Variants in RPS6KC1 observed in about 807,000 individuals in gnomAD.
RPS6KC1 encodes ribosomal protein S6 kinase C1.
Under a neutral mutation model 103.8 loss-of-function variants are expected in RPS6KC1, and 54 were observed. That is an observed-to-expected ratio of 0.52 (90% CI 0.42 to 0.65). RPS6KC1 has a LOEUF of 0.65. RPS6KC1 is among the 30% of genes least tolerant of loss of function. RPS6KC1 has a pLI of 0.00. For missense variants in RPS6KC1, 1,151 were observed against 1,253.8 expected, an observed-to-expected ratio of 0.92 and a Z score of 1.24; for synonymous variants, 439 against 438.7, an observed-to-expected ratio of 1.00 and a Z score of -0.01.
chr1:213,603,739 A>C, the RPS6KC1 span, among the ~76,000 whole-genome samples: 1 of 152,126 alleles, frequency 6.6e-6, no homozygotes, highest in Admixed American at 6.5e-5. Flanking sequence ...GCATGCCTGT[A>C]ATCTCAGCTA....
At chr1:213,291,642 C>A in the RPS6KC1 span, among the ~76,000 whole-genome samples, 1 of 152,178 alleles carries the variant, frequency 6.6e-6, no homozygotes, top group African/African-American at 2.4e-5. Context: ...CCAAAGTCAG[C>A]GTGTTTGCAG....
At chr1:213,116,530 T>C (rs1422756072) in intron 4 of RPS6KC1, among the ~76,000 whole-genome samples, 3 of 132,390 alleles carry the variant, frequency 2.3e-5, no homozygotes. Context: ...TGTCTTTTAA[T>C]TGGAGCATTT....
intron 6 of RPS6KC1, among the ~76,000 whole-genome samples, chr1:213,151,903 A>G (rs1239925690): frequency 1.0e-5 from 1 of 99,776 alleles, no homozygotes; most frequent in Non-Finnish European, 2.0e-5. Context: ...TCCCTCCAAG[A>G]CGGGGCGGCT....
chr1:213,567,451 G>A, the RPS6KC1 span, among the ~76,000 whole-genome samples: 210 of 152,298 alleles, frequency 1.4e-3, no homozygotes, highest in Admixed American at 2.0e-3. Context: ...TCTCCCACAG[G>A]CAGCTGCAGT....
the RPS6KC1 span, among the ~76,000 whole-genome samples, chr1:213,322,911 CTTTTTTTTTTT>C: frequency 5.5e-5 from 2 of 36,604 alleles, no homozygotes; most frequent in African/African-American, 2.3e-4. Flanking sequence ...CCATGCCCAG[CTTTTTTTTTTT>C]TTTTTTTTTT....
intron 12 of RPS6KC1, among the ~76,000 whole-genome samples, chr1:213,258,930 A>G (rs917912190): frequency 2.0e-5 from 3 of 152,172 alleles, no homozygotes; most frequent in Non-Finnish European, 4.4e-5. Context: ...GCACCCAGGG[A>G]TATGTCCTTC....
At chr1:213,449,782 C>T in the RPS6KC1 span, among the ~76,000 whole-genome samples, 1 of 152,246 alleles carries the variant, frequency 6.6e-6, no homozygotes, top group Non-Finnish European at 1.5e-5. Flanking sequence ...TGGAGGAGGA[C>T]AGCCTTCATA....
chr1:213,501,434 T>C, the RPS6KC1 span, among the ~76,000 whole-genome samples: 1 of 152,206 alleles, frequency 6.6e-6, no homozygotes, highest in Admixed American at 6.5e-5. Flanking sequence ...TATATATAAA[T>C]GTTGACATAA....
rs1036737222 is a variant in RPS6KC1, at chr1:213,221,831, A to G, written c.1045-8666A>G. Among the ~76,000 whole-genome samples the G allele has an allele frequency of 2.0e-5, 3 of 152,202 alleles. No individual in the cohort carries two copies. In the East Asian group the frequency reaches 5.8e-4, roughly 29 times the overall value. ...TTTAGGAATCTTGGGTGTTTGCATAAACAAAGTATATTTTGAATTATGGCA... is the reference window on the plus strand; with the variant it reads ...TTTAGGAATCTTGGGTGTTTGCATAGACAAAGTATATTTTGAATTATGGCA... On this transcript the variant is annotated intron_variant, in intron 8 of 14. Transcript: ENST00000366960.
the RPS6KC1 span, among the ~76,000 whole-genome samples, chr1:213,782,578 A>T: frequency 6.6e-6 from 1 of 152,200 alleles, no homozygotes; most frequent in African/African-American, 2.4e-5. Flanking sequence ...GGCTAGCCAA[A>T]CTCTAATTTT....
the RPS6KC1 span, among the ~76,000 whole-genome samples, chr1:213,855,422 T>C: frequency 6.6e-6 from 1 of 152,208 alleles, no homozygotes; most frequent in Admixed American, 6.5e-5. Flanking sequence ...TCCACAACCT[T>C]GTCACCTGAC....
At chr1:213,509,194 C>T in the RPS6KC1 span, among the ~76,000 whole-genome samples, 132 of 152,262 alleles carry the variant, frequency 8.7e-4, no homozygotes, top group South Asian at 5.0e-3. Context: ...CCAGTACATA[C>T]GATCACCCTA....
the RPS6KC1 span, among the ~76,000 whole-genome samples, chr1:213,692,860 A>G: frequency 6.6e-6 from 1 of 152,114 alleles, no homozygotes; most frequent in East Asian, 1.9e-4. Context: ...TTATTATTTT[A>G]GAGAGACAGT....
intron 1 of RPS6KC1, among the ~76,000 whole-genome samples, chr1:213,055,016 G>A (rs1283529197): frequency 6.6e-6 from 1 of 152,146 alleles, no homozygotes; most frequent in Non-Finnish European, 1.5e-5. Flanking sequence ...TTCTTTCCAT[G>A]AGTATAAAAG....
chr1:213,814,579 C>A, the RPS6KC1 span, among the ~76,000 whole-genome samples: 1 of 152,180 alleles, frequency 6.6e-6, no homozygotes, highest in South Asian at 2.1e-4. Flanking sequence ...CCAGTTCTTC[C>A]ACTCACCTCC....
chr1:213,360,499 C>T, the RPS6KC1 span, among the ~76,000 whole-genome samples: 1 of 152,150 alleles, frequency 6.6e-6, no homozygotes, highest in Non-Finnish European at 1.5e-5. Context: ...GCGATGGGTT[C>T]GAACTTCCTC....
At position 213,129,792 on chromosome 1, in the gene RPS6KC1, A is replaced by C. The variant is rs746298886; in HGVS notation, c.738A>C (p.Leu246Phe). 23 of 1,613,920 alleles carry C rather than the reference A, an allele frequency of 1.4e-5. No homozygotes were observed. Among genetic ancestry groups the C allele is most frequent in the Non-Finnish European group, 1.9e-5 (22 of 1,179,978 alleles). The change falls in exon 6 of 15, where the codon TTA becomes TTC. Residue 246 changes from leucine (L) to phenylalanine (F), a missense_variant. By Grantham distance (22) the Leu-to-Phe change is conservative (BLOSUM62 0). Around this residue, in one of 3 missense-constraint regions of RPS6KC1, gnomAD observed 959 missense variants for 1,006.3 expected, o/e 0.95. Transcript: ENST00000366960. The stretch of plus-strand genomic sequence containing the variant: ...ATTATTTGGAGAAAGCAGGAGAATT[A>C]ATAAAGCTGGCTTTAAAAAAGGAAG... The part of the protein sequence containing the change: ...KRDYLEKAGE[L>F]IKLALKKEEE...
chr1:213,778,976 G>A, the RPS6KC1 span, among the ~76,000 whole-genome samples: 3 of 152,092 alleles, frequency 2.0e-5, no homozygotes, highest in Non-Finnish European at 4.4e-5. Context: ...GTTTATTTGG[G>A]TGTTTGGAGG....
chr1:213,735,069 G>A, the RPS6KC1 span, among the ~76,000 whole-genome samples: 12 of 152,134 alleles, frequency 7.9e-5, no homozygotes, highest in African/African-American at 2.4e-4. Context: ...GACTACAGGC[G>A]CCCACCACCA....
Sources: allele counts gnomAD v4.1 joint callset (sites outside exome capture counted in the v4.1 genomes callset), GRCh38; gene constraint gnomAD v4.1.1; regional missense constraint gnomAD v4.1.1; transcripts MANE v1.5; gene names NCBI Gene and HGNC (gene_info 2026-07-23, HGNC 2026-07-21).